AGBL1: variants seen among roughly 807,000 people sequenced by gnomAD.
AGBL1 encodes AGBL carboxypeptidase 1, also known as cytosolic carboxypeptidase 4.
AGBL1 carries 130 observed loss-of-function variants against 118.9 expected under a neutral mutation model. That is an observed-to-expected ratio of 1.09 (90% CI 0.95 to 1.26). The LOEUF (loss-of-function observed/expected upper bound fraction) is 1.26, where lower values mean the gene tolerates loss of function less well. Among genes scored for constraint, AGBL1 ranks in the 50% most tolerant of loss-of-function variants. AGBL1 has a pLI of 0.00. For missense variants in AGBL1, 1,584 were observed against 1,298.1 expected (o/e 1.22, Z -3.38); for synonymous variants, 555 against 478.9 (o/e 1.16, Z -2.08).
At position 86,898,850 on chromosome 15, in the gene AGBL1, G is replaced by T. The variant is rs138738107; in HGVS notation, c.3159-8237G>T. Among the ~76,000 whole-genome samples, 37 of 152,180 alleles carry T rather than the reference G, an allele frequency of 2.4e-4. No individual in the cohort carries two copies. In the East Asian group the frequency reaches 7.2e-3, roughly 29 times the overall value. ...CAAAATGACAATGAGATACCATCTC[G>T]CACCAGACAGAATGGGTATCATTGG... On this transcript the variant is annotated intron_variant, in intron 22 of 22. Transcript: ENST00000614907.
chr15:86,716,456 G>T (rs2142705754), intron 22 of AGBL1, among the ~76,000 whole-genome samples: 1 of 152,268 alleles, frequency 6.6e-6, no homozygotes, highest in East Asian at 1.9e-4. Context: ...TTCCCAGTTT[G>T]ATCTGTAGCT....
chr15:86,843,207 T>C (rs866991566), intron 22 of AGBL1, among the ~76,000 whole-genome samples: 1 of 152,260 alleles, frequency 6.6e-6, no homozygotes, highest in South Asian at 2.1e-4. Flanking sequence ...CTCACAAGGA[T>C]CTTCAAAGGA....
chr15:86,166,015 A>G (rs1567098777), intron 5 of AGBL1, among the ~76,000 whole-genome samples: 1 of 152,162 alleles, frequency 6.6e-6, no homozygotes, highest in Non-Finnish European at 1.5e-5. Flanking sequence ...GATAAGGGCA[A>G]GCCATAGATA....
At chr15:86,774,905 T>C (rs1378554735) in intron 22 of AGBL1, among the ~76,000 whole-genome samples, 1 of 152,058 alleles carries the variant, frequency 6.6e-6, no homozygotes, top group African/African-American at 2.4e-5. Context: ...AATGCCATGC[T>C]AAGGAGTGAG....
intron 1 of AGBL1, among the ~76,000 whole-genome samples, chr15:86,113,258 T>TG (rs1406200424): frequency 2.5e-5 from 1 of 40,800 alleles, no homozygotes; most frequent in Admixed American, 2.2e-4. Flanking sequence ...TTTTCTTTTC[T>TG]TTCTTTCTTT....
chr15:86,683,124 CA>C (rs1162842455), intron 22 of AGBL1, among the ~76,000 whole-genome samples: 1 of 152,056 alleles, frequency 6.6e-6, no homozygotes, highest in Admixed American at 6.6e-5. Flanking sequence ...TTCAGCAACA[CA>C]AAAAACTGAC....
At chr15:86,357,148 G>A (rs551171146) in intron 17 of AGBL1, among the ~76,000 whole-genome samples, 1 of 152,326 alleles carries the variant, frequency 6.6e-6, no homozygotes, top group African/African-American at 2.4e-5. Context: ...AGGGAGTCAT[G>A]TATGTAAAAG....
At position 86,968,162 on chromosome 15, in the gene AGBL1, A is replaced by G. The variant is rs532025358; in HGVS notation, c.3222-19825A>G. ...GAACATGCAGAAAGAGGGTCACCCA[A>G]AATCATTTGGAGTAGTGACAATGAC... On this transcript the variant is annotated intron_variant, in intron 23 of 24. Transcript: ENST00000441037. Among the ~76,000 whole-genome samples the G allele has an allele frequency of 8.4e-4, 128 of 151,968 alleles. 1 individual carries two copies. The highest frequency in any genetic ancestry group is 1.4e-3 in the Non-Finnish European group (98 of 67,890).
At chr15:86,852,743 C>T (rs780549909) in intron 22 of AGBL1, among the ~76,000 whole-genome samples, 27 of 152,080 alleles carry the variant, frequency 1.8e-4, no homozygotes, top group Non-Finnish European at 2.9e-4. Flanking sequence ...TTCCTGGAAG[C>T]AGGGAAGAGG....
chr15:86,770,860 G>C (rs1348872495), intron 22 of AGBL1, among the ~76,000 whole-genome samples: 2 of 152,040 alleles, frequency 1.3e-5, no homozygotes, highest in East Asian at 3.9e-4. Flanking sequence ...CATCTACTCT[G>C]TGCTAAGGGC....
At chr15:86,304,774 C>G (rs1426293485) in intron 17 of AGBL1, 1 of 152,272 alleles carries the variant, frequency 6.6e-6, no homozygotes, top group Non-Finnish European at 1.5e-5. Context: ...GATGCTTGGA[C>G]TTCTCTTGGT....
At chr15:86,964,802 C>T (rs1385048514) in intron 23 of AGBL1, among the ~76,000 whole-genome samples, 1 of 151,922 alleles carries the variant, frequency 6.6e-6, no homozygotes, top group Non-Finnish European at 1.5e-5. Flanking sequence ...CCCTGACAGG[C>T]CCCGGTGTGT....
chr15:86,846,605 C>T (rs756383994), intron 22 of AGBL1, among the ~76,000 whole-genome samples: 22 of 152,136 alleles, frequency 1.4e-4, no homozygotes, highest in Non-Finnish European at 2.1e-4. Flanking sequence ...CATCTTGGCT[C>T]ACTGCAACCT....
At position 86,456,519 on chromosome 15, in the gene AGBL1, A is replaced by G. The variant is rs555896950; in HGVS notation, c.2555+58973A>G. 2.6e-5 allele frequency among the ~76,000 whole-genome samples: 4 copies of G among 152,256 alleles called. No individual in the cohort carries two copies. In the East Asian group the frequency reaches 5.8e-4, roughly 22 times the overall value. ...GAGCAGTTGAGAAGAAAAACCTCTAACTATTGTGGTATTCAGAGGAGAAGC... is the reference window on the plus strand; with the variant it reads ...GAGCAGTTGAGAAGAAAAACCTCTAGCTATTGTGGTATTCAGAGGAGAAGC... On this transcript the variant is annotated intron_variant, in intron 18 of 22. Coordinates refer to ENST00000614907, the MANE Select transcript of AGBL1 (RefSeq NM_001386094.1).
intron 22 of AGBL1, among the ~76,000 whole-genome samples, chr15:86,713,464 G>T (rs192092670): frequency 5.6e-4 from 85 of 152,164 alleles, no homozygotes; most frequent in African/African-American, 2.0e-3. Context: ...TCCCACTCTT[G>T]GTCTGGACTG....
intron 22 of AGBL1, among the ~76,000 whole-genome samples, chr15:86,682,329 AAAAC>A (rs980398066): frequency 8.5e-5 from 13 of 152,222 alleles, no homozygotes; most frequent in African/African-American, 1.4e-4. Flanking sequence ...ACAATAGCAA[AAAAC>A]AAACAAACAA....
chr15:86,312,656 C>T (rs953910539), intron 17 of AGBL1, among the ~76,000 whole-genome samples: 2 of 152,164 alleles, frequency 1.3e-5, no homozygotes, highest in Non-Finnish European at 2.9e-5. Flanking sequence ...GCTCATTGAG[C>T]AACGAGTCCA....
intron 22 of AGBL1, among the ~76,000 whole-genome samples, chr15:86,892,860 A>G (rs1451621618): frequency 6.6e-6 from 1 of 152,156 alleles, no homozygotes; most frequent in Non-Finnish European, 1.5e-5. Flanking sequence ...ACCCTAGGGA[A>G]CCATGCTAAC....
At chr15:86,364,689 C>T (rs148856244) in intron 17 of AGBL1, among the ~76,000 whole-genome samples, 2 of 151,820 alleles carry the variant, frequency 1.3e-5, no homozygotes, top group East Asian at 3.9e-4. Flanking sequence ...CAATGTGTGC[C>T]CTTAGCATCT....
Sources: allele counts gnomAD v4.1 joint callset (sites outside exome capture counted in the v4.1 genomes callset), GRCh38; gene constraint gnomAD v4.1.1; transcripts MANE v1.5; gene names NCBI Gene and HGNC (gene_info 2026-07-23, HGNC 2026-07-21).